Variants in CDK14 observed in about 807,000 individuals in gnomAD.
The protein encoded by CDK14 is cyclin-dependent kinase 14.
In CDK14, 34 loss-of-function variants were observed where a neutral mutation model predicts 60.7. The observed-to-expected ratio is 0.56, with a 90% confidence interval of 0.43 to 0.75. CDK14 has a LOEUF of 0.75. CDK14 is among the 30% of genes least tolerant of loss of function. CDK14 has a pLI of 0.00. For synonymous variants in CDK14, 197 were observed against 203.7 expected (o/e 0.97, Z 0.28); for missense variants, 482 against 564.1 (o/e 0.85, Z 1.47).
At chr7:90,709,599 G>T (rs1330295487) in intron 2 of CDK14, 1 of 1,612,778 alleles carries the variant, frequency 6.2e-7, no homozygotes, top group South Asian at 1.1e-5. Context: ...TGCCTTCGTG[G>T]GAACTCCACA....
At chr7:91,063,007 A>G (rs947357616) in intron 11 of CDK14, among the ~76,000 whole-genome samples, 2 of 152,166 alleles carry the variant, frequency 1.3e-5, no homozygotes, top group South Asian at 2.1e-4. Flanking sequence ...TCACATTTCA[A>G]ATCTGTGTTT....
chr7:90,938,684 C>G (rs900240434), intron 8 of CDK14, among the ~76,000 whole-genome samples: 1 of 152,016 alleles, frequency 6.6e-6, no homozygotes, highest in Non-Finnish European at 1.5e-5. Context: ...AATGGCTTAC[C>G]TTTTGACTTA....
At chr7:91,066,420 G>A (rs1265693341) in intron 11 of CDK14, among the ~76,000 whole-genome samples, 1 of 152,136 alleles carries the variant, frequency 6.6e-6, no homozygotes, top group African/African-American at 2.4e-5. Context: ...AGCCTTTCAA[G>A]TCCTTTGAAC....
At chr7:91,109,399 A>G (rs1038027345) in intron 12 of CDK14, among the ~76,000 whole-genome samples, 24 of 152,132 alleles carry the variant, frequency 1.6e-4, no homozygotes, top group Non-Finnish European at 1.6e-4. Flanking sequence ...AAACACCTAA[A>G]TTGATGATGA....
intron 14 of CDK14, among the ~76,000 whole-genome samples, chr7:91,168,076 A>C (rs1482842221): frequency 6.6e-6 from 1 of 152,130 alleles, no homozygotes; most frequent in East Asian, 1.9e-4. Flanking sequence ...ACCCTGGCCA[A>C]CATGGTAAAA....
chr7:90,943,421 G>A (rs1002638585), intron 8 of CDK14, among the ~76,000 whole-genome samples: 2 of 152,098 alleles, frequency 1.3e-5, no homozygotes, highest in Non-Finnish European at 2.9e-5. Flanking sequence ...AGATTGAGAT[G>A]TAATATAAAA....
intron 2 of CDK14, among the ~76,000 whole-genome samples, chr7:90,721,979 A>G (rs1802471741): frequency 6.6e-6 from 1 of 152,118 alleles, no homozygotes; most frequent in South Asian, 2.1e-4. Flanking sequence ...GCAGGGGAGT[A>G]GCGCCAGTGT....
intron 2 of CDK14, among the ~76,000 whole-genome samples, chr7:90,674,577 T>C (rs1274256689): frequency 2.6e-5 from 4 of 152,230 alleles, no homozygotes; most frequent in Admixed American, 1.3e-4. Flanking sequence ...AATGGGAATG[T>C]AGAAACAAAA....
intron 7 of CDK14, among the ~76,000 whole-genome samples, chr7:90,909,061 C>G (rs545871158): frequency 6.6e-6 from 1 of 152,182 alleles, no homozygotes; most frequent in Non-Finnish European, 1.5e-5. Context: ...GATTCGTTTT[C>G]ATTTTGTATA....
chr7:90,795,665 G>C (rs955152622), intron 5 of CDK14, among the ~76,000 whole-genome samples: 1 of 152,052 alleles, frequency 6.6e-6, no homozygotes, highest in Non-Finnish European at 1.5e-5. Flanking sequence ...GGGAGATAAG[G>C]TTAAAAGTGC....
intron 4 of CDK14, among the ~76,000 whole-genome samples, chr7:90,779,896 AC>A (rs1805235056): frequency 6.6e-6 from 1 of 152,212 alleles, no homozygotes; most frequent in Non-Finnish European, 1.5e-5. Context: ...TTGAGTCTAT[AC>A]ATTGCAATGA....
At position 91,002,646 on chromosome 7, in the gene CDK14, C is replaced by T. The variant is rs1318485381; in HGVS notation, c.1041+18405C>T. On this transcript the variant is annotated intron_variant, in intron 10 of 14. Coordinates refer to ENST00000380050, the MANE Select transcript of CDK14 (RefSeq NM_001287135.2). Reference sequence around the variant, plus strand: ...AAAAGCAAACAAGACATTGTCTTCACCTTCAGGGATCTCACAGTCTGGCCA... The same window carrying T: ...AAAAGCAAACAAGACATTGTCTTCATCTTCAGGGATCTCACAGTCTGGCCA... Among the ~76,000 whole-genome samples the T allele has an allele frequency of 3.9e-5, 6 of 152,144 alleles. No homozygotes were observed. In the East Asian group the frequency reaches 7.7e-4, roughly 20 times the overall value.
intron 11 of CDK14, among the ~76,000 whole-genome samples, chr7:91,059,489 G>T (rs1797708438): frequency 2.0e-5 from 3 of 151,964 alleles, no homozygotes; most frequent in Non-Finnish European, 4.4e-5. Context: ...TCTTTTAATT[G>T]TGATGTTAGG....
intron 10 of CDK14, among the ~76,000 whole-genome samples, chr7:91,008,035 A>T (rs902621641): frequency 4.0e-5 from 6 of 149,518 alleles, no homozygotes; most frequent in African/African-American, 7.4e-5. Flanking sequence ...CTGCTTCTTT[A>T]GATATTCCAG....
intron 14 of CDK14, among the ~76,000 whole-genome samples, chr7:91,195,183 A>T (rs1401060746): frequency 6.6e-6 from 1 of 152,258 alleles, no homozygotes; most frequent in Non-Finnish European, 1.5e-5. Flanking sequence ...CTAGTCCAAT[A>T]CATGCAACCA....
At chr7:91,168,556 A>G (rs1191026554) in intron 14 of CDK14, among the ~76,000 whole-genome samples, 2 of 152,210 alleles carry the variant, frequency 1.3e-5, no homozygotes, top group African/African-American at 2.4e-5. Context: ...AGATTATATG[A>G]TGCATTGGGG....
chr7:91,097,193 C>T (rs979756308), intron 12 of CDK14, among the ~76,000 whole-genome samples: 30 of 151,990 alleles, frequency 2.0e-4, no homozygotes, highest in African/African-American at 7.2e-4. Flanking sequence ...CCAGCCTGGC[C>T]AACATGGTGA....
In CDK14 at chr7:90,611,834, T is replaced by G. The variant is rs1022892285; in HGVS notation, c.123+7585T>G. Reference sequence around the variant, plus strand: ...TATCAAACAGTTATCTTTGTGTGTTTTTTTTTTTTTTTTTTTGAGATGGAG... The same window carrying G: ...TATCAAACAGTTATCTTTGTGTGTTGTTTTTTTTTTTTTTTTGAGATGGAG... On this transcript the variant is annotated intron_variant, in intron 2 of 14. Transcript: ENST00000380050. 2.5e-3 allele frequency among the ~76,000 whole-genome samples: 377 copies of G among 148,058 alleles called. 3 individuals carry two copies. The highest frequency in any genetic ancestry group is 3.7e-3 in the East Asian group (19 of 5,078).
At chr7:90,833,565 G>A (rs1387471779) in intron 5 of CDK14, among the ~76,000 whole-genome samples, 1 of 152,194 alleles carries the variant, frequency 6.6e-6, no homozygotes. Context: ...ATGCATTGGA[G>A]TTGGTTTTCT....
Sources: gnomAD v4.1 joint callset for allele counts (sites outside exome capture counted in the v4.1 genomes callset) on GRCh38, gnomAD v4.1.1 for gene constraint, MANE v1.5 for transcripts, NCBI Gene and HGNC (gene_info 2026-07-23, HGNC 2026-07-21) for gene names.